Variants in NRG2 observed in about 807,000 individuals in gnomAD.
The protein encoded by NRG2 is neuregulin 2.
In NRG2, 27 loss-of-function variants were observed where a neutral mutation model predicts 73.9. The ratio of observed to expected loss-of-function variants is 0.37; its 90% CI spans 0.27 to 0.50. The LOEUF is 0.50. NRG2 is among the 20% of genes least tolerant of loss of function. NRG2 has a pLI of 0.96. For synonymous variants in NRG2, 532 were observed against 541.0 expected (o/e 0.98, Z 0.23); for missense variants, 1,126 against 1,210.1 (o/e 0.93, Z 1.03).
chr5:139,873,400 A>T (rs1182070066), intron 3 of NRG2, among the ~76,000 whole-genome samples: 1 of 152,224 alleles, frequency 6.6e-6, no homozygotes, highest in Non-Finnish European at 1.5e-5. Context: ...CAGCTGAGGT[A>T]CCACGCCTGC....
At chr5:139,879,831 AGT>A (rs1327633431) in intron 3 of NRG2, among the ~76,000 whole-genome samples, 1 of 152,160 alleles carries the variant, frequency 6.6e-6, no homozygotes, top group Non-Finnish European at 1.5e-5. Flanking sequence ...TATTAGACAC[AGT>A]GGCAAGGGAG....
intron 1 of NRG2, among the ~76,000 whole-genome samples, chr5:140,020,561 C>T (rs1258450420): frequency 2.6e-5 from 4 of 152,254 alleles, no homozygotes; most frequent in African/African-American, 7.2e-5. Context: ...TCCCAAGATC[C>T]GGACACATAT....
chr5:140,005,644 C>A (rs962062133), intron 1 of NRG2, among the ~76,000 whole-genome samples: 3 of 152,220 alleles, frequency 2.0e-5, no homozygotes, highest in Admixed American at 6.5e-5. Context: ...CCGTCAAAAT[C>A]ATGTCCAGAA....
At chr5:140,010,013 T>C (rs1219271970) in intron 1 of NRG2, among the ~76,000 whole-genome samples, 1 of 152,134 alleles carries the variant, frequency 6.6e-6, no homozygotes, top group East Asian at 1.9e-4. Context: ...AATTTCTGTA[T>C]GAGGCCGGGC....
intron 1 of NRG2, among the ~76,000 whole-genome samples, chr5:140,019,040 C>T (rs546333364): frequency 5.9e-5 from 9 of 152,278 alleles, no homozygotes; most frequent in Admixed American, 3.9e-4. Context: ...CAGGGAATCA[C>T]GGGGAGGTGA....
rs1300174524 is a variant in NRG2, at chr5:139,904,594, G to A, written c.701-17083C>T. ...CGCCCCCCCTCCACCGGCTCGGGCC[G>A]CGGGGGCGTGTGGGCGGCCGGTCTG... On this transcript the variant is annotated intron_variant, in intron 1 of 9. Transcript: ENST00000361474. This position sits in a 1 kb window ranked among gnomAD's most constrained non-coding sequence, Gnocchi z 6.0. Among the ~76,000 whole-genome samples, 1 of 152,002 alleles carries A rather than the reference G, an allele frequency of 6.6e-6. No individual in the cohort carries two copies. Among genetic ancestry groups the A allele is most frequent in the Non-Finnish European group, 1.5e-5 (1 of 67,948 alleles).
intron 1 of NRG2, among the ~76,000 whole-genome samples, chr5:139,888,818 T>C (rs1764034994): frequency 6.6e-6 from 1 of 151,798 alleles, no homozygotes; most frequent in South Asian, 2.1e-4. Context: ...TACAGAGGAG[T>C]GAAAAAAGAA....
chr5:139,968,301 G>C (rs1381612424), intron 1 of NRG2, among the ~76,000 whole-genome samples: 1 of 152,224 alleles, frequency 6.6e-6, no homozygotes, highest in Non-Finnish European at 1.5e-5. Flanking sequence ...AGAAAGAACG[G>C]GCCTCCGTGG....
At position 139,952,673 on chromosome 5, in the gene NRG2, T is replaced by C. The variant is rs914196559; in HGVS notation, c.701-65162A>G. On this transcript the variant is annotated intron_variant, in intron 1 of 9. Transcript: ENST00000361474. ...CCCTACCACGGTGGAGGAGGAATAA[T>C]TGCACTAAGGCCGAGCTCTCCCCTC... Among the ~76,000 whole-genome samples the C allele has an allele frequency of 2.6e-5, 4 of 152,324 alleles. No individual in the cohort carries two copies. In the South Asian group the frequency reaches 6.2e-4, roughly 24 times the overall value.
intron 4 of NRG2, among the ~76,000 whole-genome samples, chr5:139,866,076 C>T (rs1762450674): frequency 1.3e-5 from 2 of 152,140 alleles, no homozygotes; most frequent in Non-Finnish European, 2.9e-5. Context: ...CTCTCCTGGG[C>T]CCTGGGCAGG....
intron 6 of NRG2, among the ~76,000 whole-genome samples, chr5:139,854,807 G>A (rs185930115): frequency 8.6e-5 from 13 of 151,864 alleles, no homozygotes; most frequent in East Asian, 5.9e-4. Flanking sequence ...CTTGGATGCC[G>A]AGCTAGGGAG....
At chr5:139,902,283 G>C (rs1346149731) in intron 1 of NRG2, among the ~76,000 whole-genome samples, 1 of 152,222 alleles carries the variant, frequency 6.6e-6, no homozygotes, top group South Asian at 2.1e-4. Flanking sequence ...TCATGGAGCA[G>C]AGCTCACACC....
intron 1 of NRG2, among the ~76,000 whole-genome samples, chr5:140,025,544 A>T (rs1267739434): frequency 6.6e-6 from 1 of 152,242 alleles, no homozygotes; most frequent in Non-Finnish European, 1.5e-5. Flanking sequence ...AATCTTGAAT[A>T]ATCTTTTCAA....
Position 139,938,905 on chromosome 5 carries a change from AAAAGAAAGAAAGAAAGAAAG to A in NRG2, c.701-51414_701-51395del, listed in dbSNP as rs1164805368. On this transcript the variant is annotated intron_variant, in intron 1 of 9. Coordinates refer to ENST00000361474, the MANE Select transcript of NRG2 (RefSeq NM_004883.3). Reference sequence around the variant, plus strand: ...GAAGGAAAGAAAGAAAGAAAGAAAGAAAAGAAAGAAAGAAAGAAAGAAAGAAAGAAAGAAAGAAAGAAAGA... The same window carrying A: ...GAAGGAAAGAAAGAAAGAAAGAAAGAAAAGAAAGAAAGAAAGAAAGAAAGA... 5.7e-3 allele frequency among the ~76,000 whole-genome samples: 427 copies of A among 75,536 alleles called. 2 individuals carry two copies. Among genetic ancestry groups the A allele is most frequent in the African/African-American group, 0.023 (364 of 15,626 alleles). 49.6% of individuals were successfully genotyped at this position (75,536 alleles called of 152,430 possible).
intron 2 of NRG2, among the ~76,000 whole-genome samples, chr5:139,885,167 G>A (rs1763782327): frequency 6.6e-6 from 1 of 152,176 alleles, no homozygotes; most frequent in Non-Finnish European, 1.5e-5. Flanking sequence ...GGAGACTTGG[G>A]GTCTCAGATT....
intron 1 of NRG2, among the ~76,000 whole-genome samples, chr5:139,988,415 G>A (rs1392034236): frequency 6.6e-6 from 1 of 151,996 alleles, no homozygotes; most frequent in African/African-American, 2.4e-5. Flanking sequence ...TTCATTAGAG[G>A]AATGAATAAA....
chr5:139,867,786 G>GTGTA (rs1762562388), intron 4 of NRG2, among the ~76,000 whole-genome samples: 2 of 137,204 alleles, frequency 1.5e-5, no homozygotes, highest in East Asian at 2.0e-4. Context: ...GTGTGTGTGT[G>GTGTA]TGTGTGTGTG....
chr5:139,984,062 G>A (rs1253237962), intron 1 of NRG2, among the ~76,000 whole-genome samples: 1 of 152,142 alleles, frequency 6.6e-6, no homozygotes, highest in Non-Finnish European at 1.5e-5. Flanking sequence ...TTTGCCATCA[G>A]TCTCATCAAT....
chr5:139,933,607 A>G (rs1279794895), intron 1 of NRG2, among the ~76,000 whole-genome samples: 1 of 152,212 alleles, frequency 6.6e-6, no homozygotes, highest in East Asian at 1.9e-4. Flanking sequence ...AAAAAGTGAC[A>G]GAACTAAGGA....
Sources: gnomAD v4.1 joint callset for allele counts (sites outside exome capture counted in the v4.1 genomes callset) on GRCh38, gnomAD v4.1.1 for gene constraint, Gnocchi (gnomAD v3.1) non-coding constraint, MANE v1.5 for transcripts, NCBI Gene and HGNC (gene_info 2026-07-23, HGNC 2026-07-21) for gene names.